Variants in CFAP20DC observed in about 807,000 individuals in gnomAD.
CFAP20DC encodes the protein protein CFAP20DC.
CFAP20DC carries 84 observed loss-of-function variants against 101.7 expected under a neutral mutation model. The ratio of observed to expected loss-of-function variants is 0.83; its 90% confidence interval spans 0.69 to 0.99. The LOEUF is 0.99. Ranked by LOEUF, CFAP20DC falls within the 50% of genes least tolerant of loss-of-function variation. The probability of loss-of-function intolerance (pLI) is 0.00; values close to 1 mark genes in which losing one functional copy is unlikely to be tolerated. For synonymous variants in CFAP20DC, 359 were observed against 351.2 expected (o/e 1.02, Z -0.25); for missense variants, 1,007 against 970.3 (o/e 1.04, Z -0.50).
At chr3:58,848,892 A>G in intron 13 of CFAP20DC, 140 bp downstream of exon 13, 11 of 1,061,474 alleles carry the variant, frequency 1.0e-5, no homozygotes, top group Admixed American at 2.9e-5. Flanking sequence ...CCAAACTAAA[A>G]CACATCAGAA....
At chr3:58,847,321 A>G (rs1575896386) in intron 13 of CFAP20DC, among the ~76,000 whole-genome samples, 2 of 149,296 alleles carry the variant, frequency 1.3e-5, no homozygotes, top group East Asian at 3.9e-4. Flanking sequence ...ATTTACAAGA[A>G]AAAAACAAAC....
At chr3:58,751,033 C>T (rs1035051495) in intron 16 of CFAP20DC, among the ~76,000 whole-genome samples, 10 of 151,886 alleles carry the variant, frequency 6.6e-5, no homozygotes, top group South Asian at 2.1e-4. Context: ...TTTTCCCCCA[C>T]GCTTGTAATA....
intron 4 of CFAP20DC, among the ~76,000 whole-genome samples, chr3:58,978,428 G>A (rs2092373293): frequency 6.6e-6 from 1 of 152,100 alleles, no homozygotes; most frequent in Non-Finnish European, 1.5e-5. Flanking sequence ...TATTATTCTT[G>A]CCAGGTGCAG....
chr3:58,807,181 G>A (rs570813917), intron 14 of CFAP20DC, among the ~76,000 whole-genome samples: 2 of 152,326 alleles, frequency 1.3e-5, no homozygotes, highest in East Asian at 1.9e-4. Context: ...GCAGACGTAA[G>A]TGTCCCTGTC....
At chr3:58,741,955 G>T, downstream of CFAP20DC, 2 of 413,590 alleles carry the variant, frequency 4.8e-6, no homozygotes, top group Non-Finnish European at 6.5e-6. Flanking sequence ...TATCATATAG[G>T]AATATTCTGG....
rs1401480319 is a variant in CFAP20DC at position 58,892,261 on chromosome 3, T to C, written c.551-7552A>G. On this transcript the variant is annotated intron_variant, in intron 6 of 16. Coordinates refer to ENST00000482387, the MANE Select transcript of CFAP20DC (RefSeq NM_001394063.1). This position sits in a 1 kb window ranked among gnomAD's most constrained non-coding sequence, Gnocchi z 4.0. The stretch of plus-strand genomic sequence containing the variant: ...ACTTGTAGTATACATTGAAGTTGGA[T>C]AGCATGATGCCTCCAGCTTTGTTCT... 6.6e-6 allele frequency among the ~76,000 whole-genome samples: 1 copy of C among 152,252 alleles called. No homozygotes were observed. Among genetic ancestry groups the C allele is most frequent in the African/African-American group, 2.4e-5 (1 of 41,476 alleles).
chr3:58,751,945 G>T (rs1431018958), intron 16 of CFAP20DC, among the ~76,000 whole-genome samples: 3 of 152,034 alleles, frequency 2.0e-5, no homozygotes, highest in African/African-American at 7.3e-5. Context: ...TAAATGAATG[G>T]TGTCGTGCAA....
chr3:59,011,253 C>A (rs1265474257), intron 4 of CFAP20DC, among the ~76,000 whole-genome samples: 4 of 152,030 alleles, frequency 2.6e-5, no homozygotes, highest in African/African-American at 9.7e-5. Flanking sequence ...CAAAAATTAG[C>A]TGGGCATAGT....
intron 3 of CFAP20DC, among the ~76,000 whole-genome samples, chr3:58,733,635 T>A (rs2067690419): frequency 6.6e-6 from 1 of 152,226 alleles, no homozygotes; most frequent in African/African-American, 2.4e-5. Context: ...GGAGTAGGAT[T>A]CTGAACATTT....
intron 4 of CFAP20DC, among the ~76,000 whole-genome samples, chr3:58,963,344 A>G (rs1480421036): frequency 2.0e-5 from 3 of 151,982 alleles, no homozygotes; most frequent in African/African-American, 7.3e-5. Context: ...TTTTTGGAAG[A>G]TAATTTGCTG....
chr3:59,048,709 G>A (rs1486991156), intron 1 of CFAP20DC, among the ~76,000 whole-genome samples: 1 of 152,206 alleles, frequency 6.6e-6, no homozygotes, highest in Admixed American at 6.5e-5. Context: ...TTAGGTGAAT[G>A]AAAAGGCAGA....
intron 4 of CFAP20DC, among the ~76,000 whole-genome samples, chr3:58,996,880 T>C (rs1018278688): frequency 2.6e-5 from 4 of 152,154 alleles, no homozygotes; most frequent in African/African-American, 9.7e-5. Flanking sequence ...GCATGCCCAC[T>C]GGGAAGAGCG....
rs528473937 is a variant in CFAP20DC, at chr3:58,971,514, A to G, written c.279-33752T>C. ...GATTTTTATTCCTTAGGCAATATAT[A>G]CATTCTCTTTTTCATTTTTACACGA... is the stretch of plus-strand genomic sequence containing the variant. On this transcript the variant is annotated intron_variant, in intron 4 of 16. Transcript: ENST00000482387. This position sits in a 1 kb window ranked among gnomAD's most constrained non-coding sequence, Gnocchi z 4.1. 3.3e-5 allele frequency among the ~76,000 whole-genome samples: 5 copies of G among 152,248 alleles called. No homozygotes were observed. The South Asian group carries it at 8.3e-4, about 25-fold the overall frequency.
intron 4 of CFAP20DC, among the ~76,000 whole-genome samples, chr3:58,991,674 C>A (rs773559711): frequency 1.7e-4 from 26 of 152,220 alleles, no homozygotes; most frequent in African/African-American, 4.8e-5. Flanking sequence ...AAGGAGCACA[C>A]AACCTAGATC....
chr3:58,902,171 TCA>T (rs570800235), intron 6 of CFAP20DC, among the ~76,000 whole-genome samples: 3,244 of 152,304 alleles, frequency 0.021, 96 homozygotes, highest in African/African-American at 0.073. Context: ...AATACATACA[TCA>T]TTTTTTAATC....
rs1184385855 is a variant in CFAP20DC at position 58,721,526 on chromosome 3, T to C, written c.198-3898A>G. 6.6e-6 allele frequency among the ~76,000 whole-genome samples: 1 copy of C among 152,112 alleles called. No individual in the cohort carries two copies. Among genetic ancestry groups the C allele is most frequent in the Admixed American group, 6.5e-5 (1 of 15,278 alleles). ...GATCTGAAGGATACGGGGGCATTAA[T>C]ACATGCAACAGGGAAGGAAGGGAGC... is the stretch of plus-strand genomic sequence containing the variant. On this transcript the variant is annotated intron_variant, in intron 3 of 3. Transcript: ENST00000486145. This position sits in a 1 kb window ranked among gnomAD's most constrained non-coding sequence, Gnocchi z 5.2.
At chr3:58,916,357 T>A (rs1266140494) in intron 5 of CFAP20DC, among the ~76,000 whole-genome samples, 1 of 152,056 alleles carries the variant, frequency 6.6e-6, no homozygotes, top group Non-Finnish European at 1.5e-5. Flanking sequence ...GGGAGTCAGT[T>A]CCAACCTCCT....
intron 15 of CFAP20DC, among the ~76,000 whole-genome samples, chr3:58,786,133 G>A (rs188599699): frequency 2.0e-5 from 3 of 152,250 alleles, no homozygotes; most frequent in East Asian, 1.9e-4. Context: ...TAATAAACTC[G>A]TTTTTCTCTT....
chr3:58,959,818 C>G (rs2090977595), intron 4 of CFAP20DC, among the ~76,000 whole-genome samples: 1 of 152,122 alleles, frequency 6.6e-6, no homozygotes, highest in African/African-American at 2.4e-5. Context: ...TTTTTCCTAT[C>G]AAAAAAGTCT....
Sources: allele counts gnomAD v4.1 joint callset (sites outside exome capture counted in the v4.1 genomes callset), GRCh38; gene constraint gnomAD v4.1.1; non-coding constraint Gnocchi (gnomAD v3.1); transcripts MANE v1.5; gene names NCBI Gene and HGNC (gene_info 2026-07-23, HGNC 2026-07-21).